Variants in IGF2BP3 observed in about 807,000 individuals in gnomAD.
IGF2BP3 encodes insulin-like growth factor 2 mRNA-binding protein 3.
A neutral mutation model predicts 73.8 loss-of-function variants in IGF2BP3; 9 were observed. The observed-to-expected ratio is 0.12, with a 90% confidence interval of 0.07 to 0.21. The LOEUF (loss-of-function observed/expected upper bound fraction) is 0.21, where lower values mean the gene tolerates loss of function less well. IGF2BP3 is among the 10% of genes least tolerant of loss of function. The pLI is 1.00. For synonymous variants in IGF2BP3, 258 were observed against 256.7 expected (o/e 1.01, Z -0.05); for missense variants, 542 against 714.0 (o/e 0.76, Z 2.75).
At chr7:23,389,828 TAAAAAA>T (rs748999337) in intron 3 of IGF2BP3, among the ~76,000 whole-genome samples, 1 of 108,414 alleles carries the variant, frequency 9.2e-6, no homozygotes, top group Non-Finnish European at 1.9e-5. Context: ...ATCCCTTCTG[TAAAAAA>T]AAAAAAAAAA....
Position 23,361,678 on chromosome 7 carries a change from G to C in IGF2BP3, c.337+12C>G, listed in dbSNP as rs568033960. The C allele has an allele frequency of 1.9e-6, 3 of 1,613,846 alleles. No homozygotes were observed. The highest frequency in any genetic ancestry group is 2.7e-5 in the African/African-American group (2 of 75,016). Reference sequence around the variant, plus strand: ...CTTTTACAAATTTGAAAGCAATTCAGAAGACATGTACCTTGCTCACAGCTC... The same window carrying C: ...CTTTTACAAATTTGAAAGCAATTCACAAGACATGTACCTTGCTCACAGCTC... On this transcript the variant is annotated intron_variant, in intron 4 of 14. Transcript: ENST00000258729.
intron 3 of IGF2BP3, among the ~76,000 whole-genome samples, chr7:23,367,446 C>CAAAAAAAAA: frequency 7.5e-6 from 1 of 133,552 alleles, no homozygotes. Context: ...TCTTAAAGGC[C>CAAAAAAAAA]AAAAAAAAAA....
chr7:23,418,024 T>C (rs1429649596), intron 3 of IGF2BP3, among the ~76,000 whole-genome samples: 1 of 152,196 alleles, frequency 6.6e-6, no homozygotes, highest in Non-Finnish European at 1.5e-5. Flanking sequence ...TTAACCAAAC[T>C]TTGCATTTTG....
chr7:23,404,380 C>A lies in IGF2BP3; in HGVS notation c.285+14396G>T, dbSNP rs200331943. Among the ~76,000 whole-genome samples the A allele has an allele frequency of 1.1e-4, 16 of 152,170 alleles. No homozygotes were observed. In the East Asian group the frequency reaches 3.1e-3, roughly 29 times the overall value. On this transcript the variant is annotated intron_variant, in intron 3 of 14. Coordinates refer to ENST00000258729, the MANE Select transcript of IGF2BP3 (RefSeq NM_006547.3). ...CATTAGCCAGAGTAAGCTAATTAAACAATTTCAATCTTTGTATATATACCT... is the reference window on the plus strand; with the variant it reads ...CATTAGCCAGAGTAAGCTAATTAAAAAATTTCAATCTTTGTATATATACCT...
At chr7:23,325,381 C>G (rs1040037091) in intron 10 of IGF2BP3, among the ~76,000 whole-genome samples, 1 of 152,136 alleles carries the variant, frequency 6.6e-6, no homozygotes, top group Non-Finnish European at 1.5e-5. Context: ...TGACGGACCT[C>G]TTCAAGGAGA....
intron 3 of IGF2BP3, among the ~76,000 whole-genome samples, chr7:23,382,338 T>C (rs1169097866): frequency 6.6e-6 from 1 of 151,884 alleles, no homozygotes; most frequent in East Asian, 1.9e-4. Context: ...TAGCAACTCC[T>C]GCATCTTTCA....
intron 3 of IGF2BP3, among the ~76,000 whole-genome samples, chr7:23,368,428 TTATTA>T (rs2128510670): frequency 6.7e-6 from 1 of 150,198 alleles, no homozygotes; most frequent in African/African-American, 2.5e-5. Context: ...AAAAAACTAC[TTATTA>T]TATGATTTTT....
At chr7:23,431,010 A>G (rs1652577281) in intron 2 of IGF2BP3, among the ~76,000 whole-genome samples, 2 of 152,242 alleles carry the variant, frequency 1.3e-5, no homozygotes, top group African/African-American at 2.4e-5. Flanking sequence ...AAAAAAGTGC[A>G]TCACTAAAAG....
intron 3 of IGF2BP3, among the ~76,000 whole-genome samples, chr7:23,379,862 C>T (rs912267415): frequency 6.6e-6 from 1 of 152,154 alleles, no homozygotes; most frequent in African/African-American, 2.4e-5. Flanking sequence ...ACAAAATATA[C>T]ATCCATGCAC....
intron 3 of IGF2BP3, among the ~76,000 whole-genome samples, chr7:23,409,160 C>T (rs1786939175): frequency 6.6e-6 from 1 of 152,198 alleles, no homozygotes; most frequent in Non-Finnish European, 1.5e-5. Context: ...TGCTCGCTCA[C>T]TTGCCACTCA....
rs187812829 is a variant in IGF2BP3, at chr7:23,391,328, G to A, written c.285+27448C>T. On this transcript the variant is annotated intron_variant, in intron 3 of 14. Transcript: ENST00000258729. ...TTCGCCAGGCTGGTCTCGAATTCCC[G>A]ACTTCAAATGATCTGCCTGCCTCAG... Among the ~76,000 whole-genome samples, 23 of 151,998 alleles carry A rather than the reference G, an allele frequency of 1.5e-4. No individual in the cohort carries two copies. The East Asian group carries it at 1.9e-3, about 13-fold the overall frequency.
intron 2 of IGF2BP3, among the ~76,000 whole-genome samples, chr7:23,438,835 T>C (rs1385224829): frequency 6.6e-6 from 1 of 151,108 alleles, no homozygotes. Flanking sequence ...AGCAATAATG[T>C]AAAATCTACT....
In IGF2BP3 at chr7:23,412,842, C is replaced by A. The variant is rs867777999; in HGVS notation, c.285+5934G>T. Reference sequence around the variant, plus strand: ...GAAATCCTTTCCTTAAGACTCTGGCCTTTTTTTTTTTTTTTTTTTTTTTTT... The same window carrying A: ...GAAATCCTTTCCTTAAGACTCTGGCATTTTTTTTTTTTTTTTTTTTTTTTT... On this transcript the variant is annotated intron_variant, in intron 3 of 14. Transcript: ENST00000258729. 4.6e-4 allele frequency among the ~76,000 whole-genome samples: 17 copies of A among 37,014 alleles called. No homozygotes were observed. The East Asian group carries it at 0.011, about 24-fold the overall frequency. 24.3% of individuals were successfully genotyped at this position (37,014 alleles called of 152,430 possible).
chr7:23,376,479 G>C (rs1297618092), intron 3 of IGF2BP3, among the ~76,000 whole-genome samples: 1 of 146,882 alleles, frequency 6.8e-6, no homozygotes, highest in African/African-American at 2.5e-5. Flanking sequence ...AACTTGCAGT[G>C]AGCCAAGATC....
intron 2 of IGF2BP3, among the ~76,000 whole-genome samples, chr7:23,457,049 AAAAAAC>A (rs1220305195): frequency 1.3e-4 from 19 of 151,974 alleles, no homozygotes; most frequent in Non-Finnish European, 2.2e-4. Flanking sequence ...ACTCTGTCTC[AAAAAAC>A]AAAAACAAAA....
At chr7:23,398,431 A>G (rs1228782973) in intron 3 of IGF2BP3, among the ~76,000 whole-genome samples, 1 of 152,176 alleles carries the variant, frequency 6.6e-6, no homozygotes, top group East Asian at 1.9e-4. Context: ...TATACCCAGT[A>G]ATGGGATGGC....
At chr7:23,364,485 T>C (rs947628668) in intron 3 of IGF2BP3, among the ~76,000 whole-genome samples, 12 of 139,998 alleles carry the variant, frequency 8.6e-5, no homozygotes, top group East Asian at 4.2e-4. Context: ...GAGGTGGAGA[T>C]TGCAGTGAGC....
At chr7:23,430,086 C>CTTT (rs1156607130) in intron 2 of IGF2BP3, among the ~76,000 whole-genome samples, 5 of 138,102 alleles carry the variant, frequency 3.6e-5, no homozygotes, top group African/African-American at 8.0e-5. Context: ...TTCTTTGCCT[C>CTTT]TTTTTTTTTT....
intron 3 of IGF2BP3, among the ~76,000 whole-genome samples, chr7:23,394,991 G>T (rs1786403359): frequency 6.6e-6 from 1 of 152,188 alleles, no homozygotes; most frequent in Non-Finnish European, 1.5e-5. Flanking sequence ...GATTTGCTGA[G>T]AAAGAAGAAC....
Sources: gnomAD v4.1 joint callset for allele counts (sites outside exome capture counted in the v4.1 genomes callset) on GRCh38, gnomAD v4.1.1 for gene constraint, MANE v1.5 for transcripts, NCBI Gene and HGNC (gene_info 2026-07-23, HGNC 2026-07-21) for gene names.